DDR2: variants seen among roughly 807,000 people sequenced by gnomAD.
DDR2 encodes discoidin domain receptor tyrosine kinase 2.
In DDR2, 27 loss-of-function variants were observed where a neutral mutation model predicts 94.9. The ratio of observed to expected loss-of-function variants is 0.28; its 90% CI spans 0.21 to 0.39. The LOEUF is 0.39. Among genes scored for constraint, DDR2 ranks in the 10% least tolerant of loss-of-function variants. The pLI is 1.00. For missense variants in DDR2, 783 were observed against 1,076.0 expected (o/e 0.73, Z 3.81); for synonymous variants, 382 against 377.2 (o/e 1.01, Z -0.15).
Position 162,755,671 on chromosome 1 carries a change from G to T in DDR2, c.573G>T (p.Leu191Phe). 1 of 1,614,036 alleles carries T rather than the reference G, an allele frequency of 6.2e-7. No homozygotes were observed. The highest frequency in any genetic ancestry group is 8.5e-7 in the Non-Finnish European group (1 of 1,179,960). ...GCTGTGTTTCCTTTGCAGATGGCTTGGTGTCTTACAATGCTCCAGCTGGGC... is the reference window on the plus strand; with the variant it reads ...GCTGTGTTTCCTTTGCAGATGGCTTTGTGTCTTACAATGCTCCAGCTGGGC... The part of the protein sequence containing the change: ...ELYGCVWLDG[L>F]VSYNAPAGQQ... The change falls in exon 7 of 18, where the codon TTG (leucine) becomes TTT (phenylalanine). Residue 191 changes from leucine to phenylalanine, a missense_variant. Leu to Phe is a conservative substitution (Grantham distance 22). Transcript: ENST00000367921.
intron 10 of DDR2, 44 bp downstream of exon 10, chr1:162,766,107 A>G: frequency 6.2e-7 from 1 of 1,602,672 alleles, no homozygotes; most frequent in Non-Finnish European, 8.5e-7. Context: ...GAAGGGACTT[A>G]CTGGGGGATG....
At position 162,745,932 on chromosome 1, in the gene DDR2, T is replaced by A. The variant is rs147203902; in HGVS notation, c.83-7163T>A. The stretch of plus-strand genomic sequence containing the variant: ...ATTGTTCTTTTTTTTCTTACAATGG[T>A]TTCTATTTTTCTGCTTTGTCAAATG... On this transcript the variant is annotated intron_variant, in intron 3 of 17. Transcript: ENST00000367921. Among the ~76,000 whole-genome samples, 357 of 152,208 alleles carry A rather than the reference T, an allele frequency of 2.3e-3. 3 individuals are homozygous for A. Among genetic ancestry groups the A allele is most frequent in the African/African-American group, 8.2e-3 (342 of 41,504 alleles).
chr1:162,635,597 A>G (rs1247517330), intron 1 of DDR2, among the ~76,000 whole-genome samples: 1 of 152,222 alleles, frequency 6.6e-6, no homozygotes, highest in African/African-American at 2.4e-5. Flanking sequence ...AAGCTGTGCA[A>G]CATATGAATT....
At chr1:162,643,466 T>C (rs747185061) in intron 1 of DDR2, among the ~76,000 whole-genome samples, 2 of 152,100 alleles carry the variant, frequency 1.3e-5, no homozygotes, top group African/African-American at 2.4e-5. Context: ...AGCATTGAAA[T>C]AGGGCAGAAG....
chr1:162,765,630 A>G (rs1663950032), intron 9 of DDR2, among the ~76,000 whole-genome samples: 1 of 151,868 alleles, frequency 6.6e-6, no homozygotes, highest in Admixed American at 6.6e-5. Flanking sequence ...AAAGCATCTT[A>G]ACACTATGTC....
At chr1:162,737,263 G>A (rs549698863) in intron 3 of DDR2, among the ~76,000 whole-genome samples, 28 of 148,256 alleles carry the variant, frequency 1.9e-4, no homozygotes, top group South Asian at 8.7e-4. Context: ...ACCCACTAAC[G>A]TGTCATCTAG....
In DDR2 at chr1:162,782,843, G is replaced by A. The variant is rs900392384; in HGVS notation, c.*2597G>A. The A allele has an allele frequency of 6.6e-6, 1 of 152,012 alleles. No homozygotes were observed. Among genetic ancestry groups the A allele is most frequent in the African/African-American group, 2.4e-5 (1 of 41,380 alleles). 9.4% of individuals were successfully genotyped at this position (152,012 alleles called of 1,614,324 possible). On this transcript the variant is annotated 3_prime_UTR_variant, in exon 18 of 18. Transcript: ENST00000367921. ...TATGTTTCAGATGGCTGCCCAATAT[G>A]TATTATCATGTAATACATATCTGTG...
intron 2 of DDR2, among the ~76,000 whole-genome samples, chr1:162,694,590 C>G (rs1660102709): frequency 6.6e-6 from 1 of 152,008 alleles, no homozygotes; most frequent in Non-Finnish European, 1.5e-5. Context: ...ATTGATTTTT[C>G]TTTTTTCCAG....
chr1:162,748,541 C>A (rs1163643859), intron 3 of DDR2, among the ~76,000 whole-genome samples: 1 of 152,112 alleles, frequency 6.6e-6, no homozygotes, highest in East Asian at 1.9e-4. Context: ...CTTAGACTCC[C>A]ACAGAATCAT....
At position 162,640,112 on chromosome 1, in the gene DDR2, G is replaced by T. The variant is rs560334023; in HGVS notation, c.-192+7481G>T. On this transcript the variant is annotated intron_variant, in intron 1 of 17. Transcript: ENST00000367921. ...GCTGGAGTGCAGTGGTGTGATCTCG[G>T]CTCACTGCAACCTCTGCCTCCTGGG... Among the ~76,000 whole-genome samples, 231 of 151,818 alleles carry T rather than the reference G, an allele frequency of 1.5e-3. 4 individuals are homozygous for T. Among genetic ancestry groups the T allele is most frequent in the African/African-American group, 5.2e-3 (216 of 41,358 alleles).
At chr1:162,656,833 G>GTTTTTTTTTTTGTTTTTTT (rs1657992232) in intron 2 of DDR2, among the ~76,000 whole-genome samples, 1 of 65,682 alleles carries the variant, frequency 1.5e-5, no homozygotes, top group Non-Finnish European at 3.0e-5. Flanking sequence ...TGCCACTGGA[G>GTTTTTTTTTTTGTTTTTTT]TTTTTTTTTT....
chr1:162,646,638 A>G (rs1056164635), intron 1 of DDR2, among the ~76,000 whole-genome samples: 20 of 152,200 alleles, frequency 1.3e-4, no homozygotes, highest in Admixed American at 1.2e-3. Flanking sequence ...CATTGTGAAA[A>G]CCTGTTTAAC....
At chr1:162,747,224 G>A (rs1363862403) in intron 3 of DDR2, among the ~76,000 whole-genome samples, 1 of 152,128 alleles carries the variant, frequency 6.6e-6, no homozygotes, top group African/African-American at 2.4e-5. Flanking sequence ...CTTCTCCAAG[G>A]AAGTTTGGAG....
intron 2 of DDR2, among the ~76,000 whole-genome samples, chr1:162,665,629 T>C (rs962776259): frequency 6.6e-6 from 1 of 151,678 alleles, no homozygotes; most frequent in Non-Finnish European, 1.5e-5. Context: ...ATGTCAATGA[T>C]ATAACAGATA....
rs751519713 is a variant in DDR2 at position 162,761,393 on chromosome 1, CA to C, written c.1040del (p.Lys347SerfsTer11). ...TCCACCACCGAATGGCCAGTGCCATCAAGTGTCAATACCATTTTGCAGATAC... is the reference window on the plus strand; with the variant it reads ...TCCACCACCGAATGGCCAGTGCCATCAGTGTCAATACCATTTTGCAGATAC... The part of the protein sequence containing the change: ...PLHHRMASAI[K>X]CQYHFADTWM... On this transcript the variant is annotated frameshift_variant, in exon 9 of 18. Coordinates refer to ENST00000367921, the MANE Select transcript of DDR2 (RefSeq NM_006182.4). LOFTEE classifies it high-confidence loss of function. 1 of 1,614,192 alleles carries C rather than the reference CA, an allele frequency of 6.2e-7. No individual in the cohort carries two copies. The highest frequency in any genetic ancestry group is 1.7e-5 in the Admixed American group (1 of 60,018).
At chr1:162,744,041 T>C (rs919419567) in intron 3 of DDR2, among the ~76,000 whole-genome samples, 1 of 152,222 alleles carries the variant, frequency 6.6e-6, no homozygotes, top group Non-Finnish European at 1.5e-5. Flanking sequence ...GTAGCATGCA[T>C]CAATAGTTCA....
chr1:162,700,246 T>A (rs993423394), intron 2 of DDR2, among the ~76,000 whole-genome samples: 1 of 152,240 alleles, frequency 6.6e-6, no homozygotes, highest in Non-Finnish European at 1.5e-5. Flanking sequence ...TGGCTTCTAC[T>A]GGCAACACCA....
At chr1:162,773,346 T>C (rs1244578548) in intron 13 of DDR2, 123 bp from the exon 14 acceptor site, 17 of 1,295,862 alleles carry the variant, frequency 1.3e-5, no homozygotes, top group Non-Finnish European at 1.8e-5. Flanking sequence ...TATCTTCTTA[T>C]TGGTCTTTTG....
intron 2 of DDR2, among the ~76,000 whole-genome samples, chr1:162,688,179 A>G (rs1005518035): frequency 1.3e-5 from 2 of 152,216 alleles, no homozygotes; most frequent in African/African-American, 4.8e-5. Context: ...TGAGACTGAC[A>G]TGTCTCCAGT....
Sources: allele counts gnomAD v4.1 joint callset (sites outside exome capture counted in the v4.1 genomes callset), GRCh38; gene constraint gnomAD v4.1.1; transcripts MANE v1.5; gene names NCBI Gene and HGNC (gene_info 2026-07-23, HGNC 2026-07-21).